RFLNA: variants seen among roughly 807,000 people sequenced by gnomAD.
RFLNA encodes the protein refilin-A.
RFLNA carries 5 observed loss-of-function variants against 7.8 expected under a neutral mutation model. The ratio of observed to expected loss-of-function variants is 0.64; its 90% CI spans 0.34 to 1.35. RFLNA has a LOEUF of 1.35. Among genes scored for constraint, RFLNA ranks in the 40% most tolerant of loss-of-function variants. RFLNA has a pLI of 0.04. For synonymous variants in RFLNA, 141 were observed against 131.3 expected, an observed-to-expected ratio of 1.07 and a Z score of -0.50; for missense variants, 278 against 305.5, an observed-to-expected ratio of 0.91 and a Z score of 0.67.
At chr12:124,301,507 C>G (rs904643) in intron 1 of RFLNA, among the ~76,000 whole-genome samples, 10 of 152,072 alleles carry the variant, frequency 6.6e-5, no homozygotes, top group African/African-American at 2.4e-4. Context: ...GGCCTCCCTG[C>G]GGGGCACGGT....
upstream of RFLNA, among the ~76,000 whole-genome samples, chr12:124,292,726 G>T (rs2033842229): frequency 6.6e-6 from 1 of 152,156 alleles, no homozygotes; most frequent in Admixed American, 6.5e-5. Flanking sequence ...CAGAACCCAG[G>T]TGGGCATAGT....
chr12:124,300,235 T>TGG (rs2034002960), intron 1 of RFLNA, among the ~76,000 whole-genome samples: 1 of 152,256 alleles, frequency 6.6e-6, no homozygotes, highest in Non-Finnish European at 1.5e-5. Flanking sequence ...GCCTGGGCTC[T>TGG]GTCACCTTCA....
chr12:124,292,818 G>A (rs1486644349), upstream of RFLNA, among the ~76,000 whole-genome samples: 3 of 152,218 alleles, frequency 2.0e-5, no homozygotes, highest in Admixed American at 2.0e-4. Context: ...TGGGGCAAGG[G>A]ACTTTCAGGA....
In RFLNA at chr12:124,289,741, C is replaced by T. The variant is rs1399258794; in HGVS notation, c.-37+371C>T. Among the ~76,000 whole-genome samples, 1 of 152,144 alleles carries T rather than the reference C, an allele frequency of 6.6e-6. No homozygotes were observed. The highest frequency in any genetic ancestry group is 2.1e-4 in the South Asian group (1 of 4,822). On this transcript the variant is annotated intron_variant, in intron 1 of 2. Coordinates refer to the RFLNA transcript ENST00000324038. This position sits in a 1 kb window ranked among gnomAD's most constrained non-coding sequence, Gnocchi z 5.0. The stretch of plus-strand genomic sequence containing the variant: ...AGTCACTGCTGGAGCTCTGTCCAGG[C>T]GTGGACATCTGTGGTACAGCTGGGG...
Position 124,315,441 on chromosome 12 carries a change from T to G in RFLNA, c.*916T>G, listed in dbSNP as rs1168196356. 1 of 152,262 alleles carries G rather than the reference T, an allele frequency of 6.6e-6. No homozygotes were observed. The highest frequency in any genetic ancestry group is 1.5e-5 in the Non-Finnish European group (1 of 68,116). The allele number at this position is 152,262 out of a possible 1,614,324, so 9.4% of individuals were successfully genotyped here. ...GGTCTGAACTCGAGGGAGTCGGAGC[T>G]CAGCTGTCGGTTTAAAGAGACACTG... On this transcript the variant is annotated 3_prime_UTR_variant, in exon 3 of 3. Transcript: ENST00000546355.
chr12:124,311,812 C>T lies in RFLNA; in HGVS notation c.208-6C>T. 1.3e-6 allele frequency: 2 copies of T among 1,578,020 alleles called. No homozygotes were observed. The highest frequency in any genetic ancestry group is 1.7e-6 in the Non-Finnish European group (2 of 1,162,904). On this transcript the variant is annotated splice_polypyrimidine_tract_variant and splice_region_variant and intron_variant, in intron 1 of 2. Coordinates refer to ENST00000546355, the MANE Select transcript of RFLNA (RefSeq NM_001365156.1). ...CATAACCCCGTGTCCCTGGCTCTCC[C>T]CACAGCCCCCCTCCCAACTCCCAAA...
intron 1 of RFLNA, among the ~76,000 whole-genome samples, chr12:124,300,061 C>G (rs760210214): frequency 6.6e-6 from 1 of 152,150 alleles, no homozygotes; most frequent in Non-Finnish European, 1.5e-5. Context: ...TGGGATCTTA[C>G]ATTGTGTTCT....
chr12:124,310,967 C>T (rs1032408360), intron 1 of RFLNA, among the ~76,000 whole-genome samples: 2 of 152,222 alleles, frequency 1.3e-5, no homozygotes, highest in African/African-American at 4.8e-5. Context: ...AACTGAGGGA[C>T]AGTTTCAGGT....
intron 1 of RFLNA, among the ~76,000 whole-genome samples, chr12:124,300,540 G>A (rs1267504147): frequency 2.6e-5 from 4 of 152,188 alleles, no homozygotes; most frequent in Non-Finnish European, 5.9e-5. Context: ...GGGAGCTAGG[G>A]AGGTAGTGCT....
chr12:124,293,663 TC>T (rs1188486516), upstream of RFLNA, among the ~76,000 whole-genome samples: 1 of 152,196 alleles, frequency 6.6e-6, no homozygotes, highest in African/African-American at 2.4e-5. Flanking sequence ...GCAGCAGACT[TC>T]CAGCGTTCTT....
rs1026871487 is a variant in RFLNA, at chr12:124,306,065, A to C, written c.208-5753A>C. Among the ~76,000 whole-genome samples the C allele has an allele frequency of 3.9e-5, 6 of 152,094 alleles. No individual in the cohort carries two copies. The highest frequency in any genetic ancestry group is 1.4e-4 in the African/African-American group (6 of 41,412). ...TGATGTTTGTCCACAGACTGCTGCC[A>C]AACTTGAGGACAGGTATGGGCCCAT... On this transcript the variant is annotated intron_variant, in intron 1 of 2. Coordinates refer to ENST00000546355, the MANE Select transcript of RFLNA (RefSeq NM_001365156.1). The surrounding 1 kb of genome is among the most constrained non-coding windows in gnomAD (Gnocchi z 5.2).
At chr12:124,313,440 A>T (rs942197107) in intron 2 of RFLNA, among the ~76,000 whole-genome samples, 7 of 152,178 alleles carry the variant, frequency 4.6e-5, no homozygotes, top group African/African-American at 2.4e-5. Flanking sequence ...GCACTTTGGG[A>T]GGCCGAGGCG....
In RFLNA at chr12:124,306,565, C is replaced by T. The variant is rs542064479; in HGVS notation, c.208-5253C>T. On this transcript the variant is annotated intron_variant, in intron 1 of 2. Transcript: ENST00000546355. The surrounding 1 kb of genome is among the most constrained non-coding windows in gnomAD (Gnocchi z 5.2). Reference sequence around the variant, plus strand: ...TGAGGGCCCGGGACCTGGAGCCGCACCAGCAGCGTTCCAGCCCTGACCTGC... The same window carrying T: ...TGAGGGCCCGGGACCTGGAGCCGCATCAGCAGCGTTCCAGCCCTGACCTGC... Among the ~76,000 whole-genome samples the T allele has an allele frequency of 3.3e-5, 5 of 152,274 alleles. No homozygotes were observed. In the South Asian group the frequency reaches 1.0e-3, roughly 32 times the overall value.
intron 1 of RFLNA, among the ~76,000 whole-genome samples, chr12:124,295,927 G>T (rs1406771686): frequency 6.6e-6 from 1 of 151,580 alleles, no homozygotes; most frequent in African/African-American, 2.4e-5. Context: ...GCGGGGTAAA[G>T]GACGGTCCGA....
At chr12:124,291,922 A>C (rs1369227225), upstream of RFLNA, among the ~76,000 whole-genome samples, 4 of 152,154 alleles carry the variant, frequency 2.6e-5, no homozygotes, top group Non-Finnish European at 5.9e-5. Flanking sequence ...TTGTGGAGGA[A>C]GGTCTTCCTT....
chr12:124,305,824 G>A (rs1244438794), intron 1 of RFLNA, among the ~76,000 whole-genome samples: 7 of 152,136 alleles, frequency 4.6e-5, no homozygotes, highest in Non-Finnish European at 8.8e-5. Flanking sequence ...GACAGCTTTG[G>A]GGGCTGTTGT....
At position 124,289,625 on chromosome 12, in the gene RFLNA, C is replaced by T. The variant is rs993343488; in HGVS notation, c.-37+255C>T. Among the ~76,000 whole-genome samples, 1 of 152,220 alleles carries T rather than the reference C, an allele frequency of 6.6e-6. No homozygotes were observed. Among genetic ancestry groups the T allele is most frequent in the African/African-American group, 2.4e-5 (1 of 41,454 alleles). The stretch of plus-strand genomic sequence containing the variant: ...GTCAAGAGCTGGTTTTATGAGTGGA[C>T]ACCCAGGGCATGGGCCCTGACCCCC... On this transcript the variant is annotated intron_variant, in intron 1 of 2. Coordinates refer to the RFLNA transcript ENST00000324038. The surrounding 1 kb of genome is among the most constrained non-coding windows in gnomAD (Gnocchi z 5.0).
chr12:124,311,759 G>A (rs1347882135), intron 1 of RFLNA, 59 bp from the exon 2 acceptor site: 2 of 1,427,542 alleles, frequency 1.4e-6, no homozygotes, highest in Non-Finnish European at 9.3e-7. Context: ...GCCCAGCAGG[G>A]AGCTGAGGCC....
At chr12:124,300,777 C>CGGAT (rs59223953) in intron 1 of RFLNA, among the ~76,000 whole-genome samples, 53 of 70,050 alleles carry the variant, frequency 7.6e-4, no homozygotes, top group East Asian at 3.2e-3. Context: ...GATGGATTGA[C>CGGAT]GGATGGATGG....
Sources: allele counts gnomAD v4.1 joint callset (sites outside exome capture counted in the v4.1 genomes callset), GRCh38; gene constraint gnomAD v4.1.1; non-coding constraint Gnocchi (gnomAD v3.1); transcripts MANE v1.5; gene names NCBI Gene and HGNC (gene_info 2026-07-23, HGNC 2026-07-21).